ADGRB3: variants seen among roughly 807,000 people sequenced by gnomAD.
ADGRB3 encodes the protein adhesion G protein-coupled receptor B3.
A neutral mutation model predicts 193.4 loss-of-function variants in ADGRB3; 37 were observed. That is an observed-to-expected ratio of 0.19 (90% CI 0.15 to 0.25). The LOEUF (loss-of-function observed/expected upper bound fraction) is 0.25, where lower values mean the gene tolerates loss of function less well. Ranked by LOEUF, ADGRB3 falls within the 10% of genes least tolerant of loss-of-function variation. The pLI, the probability that ADGRB3 is intolerant of heterozygous loss-of-function variation, is 1.00. For synonymous variants in ADGRB3, 690 were observed against 644.2 expected (o/e 1.07, Z -1.08); for missense variants, 1,637 against 1,852.9 (o/e 0.88, Z 2.14).
At chr6:68,675,709 C>T (rs1291068717) in intron 3 of ADGRB3, among the ~76,000 whole-genome samples, 3 of 152,170 alleles carry the variant, frequency 2.0e-5, no homozygotes, top group Non-Finnish European at 2.9e-5. Flanking sequence ...AGGGCACCAG[C>T]TTCTCCAGTT....
intron 3 of ADGRB3, among the ~76,000 whole-genome samples, chr6:68,679,855 A>G (rs928160036): frequency 2.6e-5 from 4 of 152,226 alleles, no homozygotes; most frequent in Non-Finnish European, 5.9e-5. Context: ...CACTTAAAAA[A>G]TAGTCAAATA....
chr6:69,137,467 T>C (rs1171722681), intron 17 of ADGRB3, among the ~76,000 whole-genome samples: 1 of 152,024 alleles, frequency 6.6e-6, no homozygotes, highest in African/African-American at 2.4e-5. Context: ...AAGAGTAGTT[T>C]CCGAAACAAG....
At chr6:68,710,254 T>A (rs1385314054) in intron 3 of ADGRB3, among the ~76,000 whole-genome samples, 2 of 152,166 alleles carry the variant, frequency 1.3e-5, no homozygotes, top group African/African-American at 2.4e-5. Context: ...GCCCTTTTTT[T>A]ATCTGGTTCT....
intron 3 of ADGRB3, among the ~76,000 whole-genome samples, chr6:68,677,513 CTTTTTTTCT>C (rs1279720530): frequency 5.1e-4 from 65 of 128,208 alleles, no homozygotes; most frequent in African/African-American, 1.7e-3. Context: ...TCTTTTTTTT[CTTTTTTTCT>C]TTTTTTTTTT....
chr6:69,343,044 G>C (rs1303838165), intron 26 of ADGRB3, among the ~76,000 whole-genome samples: 3 of 151,804 alleles, frequency 2.0e-5, no homozygotes, highest in African/African-American at 7.3e-5. Context: ...TCTACACAGG[G>C]GAAGAATATA....
chr6:69,226,528 C>T (rs1380914238), intron 17 of ADGRB3, among the ~76,000 whole-genome samples: 1 of 152,196 alleles, frequency 6.6e-6, no homozygotes, highest in Non-Finnish European at 1.5e-5. Context: ...GTATATAATA[C>T]ATCAGCTGTG....
intron 8 of ADGRB3, among the ~76,000 whole-genome samples, chr6:68,973,294 A>G (rs1768642176): frequency 6.8e-6 from 1 of 147,680 alleles, no homozygotes; most frequent in African/African-American, 2.4e-5. Context: ...ATCTGTAAAG[A>G]GGAAGGAGTT....
At chr6:69,156,576 G>A (rs1397442433) in intron 17 of ADGRB3, among the ~76,000 whole-genome samples, 1 of 152,152 alleles carries the variant, frequency 6.6e-6, no homozygotes, top group African/African-American at 2.4e-5. Flanking sequence ...GTAAGGAGTA[G>A]GGATATGTTC....
chr6:69,332,048 G>A, intron 23 of ADGRB3: 1 of 985,394 alleles, frequency 1.0e-6, no homozygotes, highest in African/African-American at 1.7e-5. Context: ...GTTACACCAA[G>A]ATTGGAAAGA....
chr6:68,671,729 G>A (rs1299288452), intron 3 of ADGRB3, among the ~76,000 whole-genome samples: 1 of 151,652 alleles, frequency 6.6e-6, no homozygotes, highest in African/African-American at 2.4e-5. Context: ...GTTTTGTTTT[G>A]TTTTGATGCG....
At chr6:69,293,257 GGA>G (rs1582610434) in intron 20 of ADGRB3, among the ~76,000 whole-genome samples, 1 of 151,844 alleles carries the variant, frequency 6.6e-6, no homozygotes, top group East Asian at 1.9e-4. Flanking sequence ...ACCTTGCTTG[GGA>G]ATCCATGAGA....
chr6:68,789,754 A>T (rs998397219), intron 3 of ADGRB3, among the ~76,000 whole-genome samples: 1 of 152,190 alleles, frequency 6.6e-6, no homozygotes, highest in Non-Finnish European at 1.5e-5. Flanking sequence ...GTGTTTTCCA[A>T]CTTGGTTCCA....
chr6:69,227,863 A>G lies in ADGRB3; in HGVS notation c.2481-5427A>G, dbSNP rs1040074624. On this transcript the variant is annotated intron_variant, in intron 17 of 31. Transcript: ENST00000370598. ...AAGAGCTATTGATACTCTTCAGATT[A>G]CATGTCTGCTATATGCTAAAGGACT... Among the ~76,000 whole-genome samples the G allele has an allele frequency of 2.6e-5, 4 of 152,228 alleles. No homozygotes were observed. The South Asian group carries it at 6.2e-4, about 24-fold the overall frequency.
At chr6:69,285,252 C>A (rs1162000987) in intron 20 of ADGRB3, among the ~76,000 whole-genome samples, 7 of 152,198 alleles carry the variant, frequency 4.6e-5, no homozygotes, top group Admixed American at 2.6e-4. Context: ...GCCTATGATG[C>A]TGCCTCTTGA....
intron 17 of ADGRB3, among the ~76,000 whole-genome samples, chr6:69,196,623 A>G (rs892808312): frequency 6.6e-6 from 1 of 152,084 alleles, no homozygotes; most frequent in African/African-American, 2.4e-5. Context: ...TTTTAATTCT[A>G]ACTGCCTAAT....
chr6:69,094,134 G>C (rs745465183), intron 17 of ADGRB3, among the ~76,000 whole-genome samples: 28 of 152,110 alleles, frequency 1.8e-4, no homozygotes, highest in Non-Finnish European at 3.1e-4. Flanking sequence ...TACTATGACC[G>C]AAACCAACAG....
rs756684296 is a variant in ADGRB3, at chr6:68,639,327, G to A, written c.652G>A (p.Val218Met). 1.2e-6 allele frequency: 2 copies of A among 1,614,068 alleles called. No individual in the cohort carries two copies. The highest frequency in any genetic ancestry group is 1.7e-6 in the Non-Finnish European group (2 of 1,180,028). Reference sequence around the variant, plus strand: ...CCAGTCGCTGATTTTGTTAAATAACGTGGTGTTACCCCTGAATGAGCAGAC... The same window carrying A: ...CCAGTCGCTGATTTTGTTAAATAACATGGTGTTACCCCTGAATGAGCAGAC... ...DDQSLILLNN[V>M]VLPLNEQTEG... is the part of the protein sequence containing the mutation. Residue 218 changes from valine to methionine, a missense_variant, in exon 3 of 32, where the codon GTG becomes ATG. Val to Met is a conservative substitution (Grantham distance 21). Around this residue, in one of 7 missense-constraint regions of ADGRB3, gnomAD observed 365 missense variants for 409.8 expected, o/e 0.89. Coordinates refer to ENST00000370598, the MANE Select transcript of ADGRB3 (RefSeq NM_001704.3).
chr6:68,763,663 C>T lies in ADGRB3; in HGVS notation c.757+124231C>T, dbSNP rs60686636. Reference sequence around the variant, plus strand: ...CTTGTTTCTGAATTTAAAGGTAATGCATCTGAAGATTGACCATTAAGGATA... The same window carrying T: ...CTTGTTTCTGAATTTAAAGGTAATGTATCTGAAGATTGACCATTAAGGATA... On this transcript the variant is annotated intron_variant, in intron 3 of 31. Coordinates refer to ENST00000370598, the MANE Select transcript of ADGRB3 (RefSeq NM_001704.3). Among the ~76,000 whole-genome samples, 283 of 152,262 alleles carry T rather than the reference C, an allele frequency of 1.9e-3. 3 individuals carry two copies. The highest frequency in any genetic ancestry group is 6.6e-3 in the African/African-American group (273 of 41,538).
At chr6:68,890,610 A>C (rs1322368247) in intron 3 of ADGRB3, among the ~76,000 whole-genome samples, 3 of 152,236 alleles carry the variant, frequency 2.0e-5, no homozygotes, top group African/African-American at 4.8e-5. Context: ...ATTTGTGTAC[A>C]CTATTCTTGA....
Sources: allele counts gnomAD v4.1 joint callset (sites outside exome capture counted in the v4.1 genomes callset), GRCh38; gene constraint gnomAD v4.1.1; regional missense constraint gnomAD v4.1.1; transcripts MANE v1.5; gene names NCBI Gene and HGNC (gene_info 2026-07-23, HGNC 2026-07-21).